The following SPARCL1 variants were observed in gnomAD, a reference collection of about 807,000 sequenced individuals.
SPARCL1 encodes SPARC-like protein 1.
Under a neutral mutation model 67.1 loss-of-function variants are expected in SPARCL1, and 52 were observed. The observed-to-expected ratio is 0.78, with a 90% CI of 0.62 to 0.98. SPARCL1 has a LOEUF of 0.98. SPARCL1 is among the 50% of genes least tolerant of loss of function. The probability of loss-of-function intolerance (pLI) is 0.00; values close to 1 mark genes in which losing one functional copy is unlikely to be tolerated. For synonymous variants in SPARCL1, 226 were observed against 267.8 expected (o/e 0.84, Z 1.52); for missense variants, 717 against 782.4 (o/e 0.92, Z 1.00).
chr4:87,475,327 A>T (rs560538882), intron 10 of SPARCL1, among the ~76,000 whole-genome samples: 1 of 152,204 alleles, frequency 6.6e-6, no homozygotes, highest in Non-Finnish European at 1.5e-5. Context: ...GGCACTGTTA[A>T]TCTCTTCCTC....
intron 1 of SPARCL1, among the ~76,000 whole-genome samples, chr4:87,527,266 A>G (rs899590769): frequency 6.6e-6 from 1 of 152,200 alleles, no homozygotes; most frequent in Admixed American, 6.5e-5. Flanking sequence ...CTGGTTGGAC[A>G]TCTCTCAGGA....
intron 10 of SPARCL1, 27 bp downstream of exon 10, chr4:87,479,403 C>T (rs376221901): frequency 6.2e-7 from 1 of 1,604,828 alleles, no homozygotes; most frequent in Non-Finnish European, 8.5e-7. Flanking sequence ...GAAGACATCC[C>T]TCTTCTTTGG....
intron 1 of SPARCL1, among the ~76,000 whole-genome samples, chr4:87,514,566 T>C (rs1400999422): frequency 6.6e-6 from 1 of 152,248 alleles, no homozygotes; most frequent in African/African-American, 2.4e-5. Context: ...AAGATGCCTG[T>C]GTTTTATTTT....
At chr4:87,528,657 T>C (rs887013397) in intron 1 of SPARCL1, 9 of 152,156 alleles carry the variant, frequency 5.9e-5, no homozygotes, top group African/African-American at 2.2e-4. Context: ...ATTATTTGAT[T>C]TGAAATTTTT....
intron 1 of SPARCL1, among the ~76,000 whole-genome samples, chr4:87,512,026 G>A (rs372042659): frequency 9.3e-5 from 13 of 139,810 alleles, no homozygotes; most frequent in African/African-American, 3.0e-4. Flanking sequence ...GTGCAGTGGC[G>A]TGATCTAGGC....
intron 2 of SPARCL1, chr4:87,497,256 A>T (rs1199154421): frequency 2.0e-6 from 2 of 982,276 alleles, no homozygotes; most frequent in Non-Finnish European, 2.4e-6. Flanking sequence ...TGGGTAATGA[A>T]TTTGAAAAAG....
At chr4:87,513,447 A>C (rs575366902) in intron 1 of SPARCL1, among the ~76,000 whole-genome samples, 2 of 152,348 alleles carry the variant, frequency 1.3e-5, no homozygotes, top group Admixed American at 1.3e-4. Context: ...TTTGCCAAGT[A>C]CTAAATACTA....
intron 7 of SPARCL1, among the ~76,000 whole-genome samples, chr4:87,487,176 T>G (rs1282809955): frequency 1.3e-5 from 2 of 152,082 alleles, no homozygotes; most frequent in African/African-American, 4.8e-5. Context: ...TGATGCAGTT[T>G]CTTCATAGTG....
intron 7 of SPARCL1, among the ~76,000 whole-genome samples, chr4:87,488,021 C>T (rs1420921543): frequency 1.3e-5 from 2 of 152,148 alleles, no homozygotes; most frequent in African/African-American, 4.8e-5. Flanking sequence ...TTCTTAGCTT[C>T]CTTGTATTGG....
rs1439183749 is a variant in SPARCL1, at chr4:87,473,430, CAT to C, written c.*343_*344del. 5 of 174,778 alleles carry C rather than the reference CAT, an allele frequency of 2.9e-5. No homozygotes were observed. The highest frequency in any genetic ancestry group is 6.0e-5 in the Non-Finnish European group (5 of 83,514). 10.8% of individuals were successfully genotyped at this position (174,778 alleles called of 1,614,324 possible). ...TAGCATTCCATTTTCTTGAAGTGCA[CAT>C]GATATTATGAACAATACAAATGCAT... On this transcript the variant is annotated 3_prime_UTR_variant, in exon 11 of 11. Coordinates refer to ENST00000282470, the MANE Select transcript of SPARCL1 (RefSeq NM_004684.6).
chr4:87,482,667 C>T, intron 7 of SPARCL1, 107 bp from the exon 8 acceptor site: 2 of 1,255,516 alleles, frequency 1.6e-6, no homozygotes, highest in South Asian at 2.7e-5. Context: ...AGAGCTTTCT[C>T]AGGTCCCCAT....
chr4:87,513,310 C>T (rs1282079311), intron 1 of SPARCL1, among the ~76,000 whole-genome samples: 1 of 152,140 alleles, frequency 6.6e-6, no homozygotes. Flanking sequence ...GCCAAATGTA[C>T]AAGGCTTAAG....
At chr4:87,480,246 G>T in intron 9 of SPARCL1, 126 bp downstream of exon 9, 1 of 677,812 alleles carries the variant, frequency 1.5e-6, no homozygotes, top group Non-Finnish European at 2.2e-6. Context: ...TCCTAACCAG[G>T]CATTTCAGTA....
At chr4:87,503,065 A>G (rs964794506) in intron 1 of SPARCL1, among the ~76,000 whole-genome samples, 1 of 152,198 alleles carries the variant, frequency 6.6e-6, no homozygotes, top group Non-Finnish European at 1.5e-5. Flanking sequence ...AGGTTTCTGT[A>G]TGGCTCCACC....
rs1180280242 is a variant in SPARCL1 at position 87,490,673 on chromosome 4, T to A, written c.1410+87A>T. ...AATGATAACCTAGGTATCTACCTTT[T>A]TTAAGCAAAAATTTCAATGGCAAAT... On this transcript the variant is annotated intron_variant, in intron 6 of 10. Coordinates refer to ENST00000282470, the MANE Select transcript of SPARCL1 (RefSeq NM_004684.6). 13 of 991,424 alleles carry A rather than the reference T, an allele frequency of 1.3e-5. 1 individual carries two copies. The African/African-American group carries it at 2.0e-4, about 15-fold the overall frequency. The allele number at this position is 991,424 out of a possible 1,614,324, so 61.4% of individuals were successfully genotyped here. A position where few individuals can be genotyped will look rare whatever the true frequency, so the allele number is the denominator to read the frequency against.
chr4:87,493,729 T>G lies in SPARCL1; in HGVS notation c.1071A>C (p.Ala357=), dbSNP rs1190938315. ...GGCTTGGGATGAAGTAGTCATCACTTGCACTGTGCCTGGGGCCATCAGTGC... is the reference window on the plus strand; with the variant it reads ...GGCTTGGGATGAAGTAGTCATCACTGGCACTGTGCCTGGGGCCATCAGTGC... The part of the protein sequence containing the change: ...DGGTDGPRHS[A]SDDYFIPSQA... Residue 357 remains alanine, a synonymous_variant, in exon 4 of 11, where the codon GCA becomes GCC. Transcript: ENST00000282470. 6.2e-7 allele frequency: 1 copy of G among 1,614,194 alleles called. No individual in the cohort carries two copies. Among genetic ancestry groups the G allele is most frequent in the Non-Finnish European group, 8.5e-7 (1 of 1,180,036 alleles).
intron 1 of SPARCL1, among the ~76,000 whole-genome samples, chr4:87,524,980 T>G (rs1052044410): frequency 3.9e-5 from 6 of 152,000 alleles, no homozygotes; most frequent in Admixed American, 1.3e-4. Context: ...CTGGCCAACA[T>G]GACAAAACCC....
intron 1 of SPARCL1, among the ~76,000 whole-genome samples, chr4:87,511,541 G>C (rs998064346): frequency 6.6e-6 from 1 of 152,216 alleles, no homozygotes; most frequent in Non-Finnish European, 1.5e-5. Flanking sequence ...TGAGCAGAGA[G>C]CTGGAGCCAG....
Position 87,493,634 on chromosome 4 carries a change from T to G in SPARCL1, c.1166A>C (p.Lys389Thr). 3 of 1,613,884 alleles carry G rather than the reference T, an allele frequency of 1.9e-6. No homozygotes were observed. The South Asian group carries it at 3.3e-5, about 18-fold the overall frequency. ...ACCTATATTTTCATTTTCATGTACT[T>G]TTTCTCTTTGCTCCTCAATTTTGAG... ...YHLKIEEQRE[K>T]VHENENIGTT... is the part of the protein sequence containing the mutation. The change falls in exon 4 of 11, where the codon AAA (lysine) becomes ACA (threonine). Residue 389 changes from lysine to threonine, a missense_variant. Transcript: ENST00000282470.
Sources: gnomAD v4.1 joint callset for allele counts (sites outside exome capture counted in the v4.1 genomes callset) on GRCh38, gnomAD v4.1.1 for gene constraint, MANE v1.5 for transcripts, NCBI Gene and HGNC (gene_info 2026-07-23, HGNC 2026-07-21) for gene names.